ZNF14: variants seen among roughly 807,000 people sequenced by gnomAD.
ZNF14 encodes the protein gonadotropin inducible transcription repressor-4.
ZNF14 carries 9 observed loss-of-function variants against 11.3 expected under a neutral mutation model. The ratio of observed to expected loss-of-function variants is 0.80; its 90% CI spans 0.48 to 1.39. ZNF14 has a LOEUF of 1.39. Ranked by LOEUF, ZNF14 falls within the 40% of genes most tolerant of loss-of-function variation. ZNF14 has a pLI of 0.00. For missense variants in ZNF14, 711 were observed against 763.9 expected (o/e 0.93, Z 0.82); for synonymous variants, 239 against 245.7 (o/e 0.97, Z 0.25).
rs2062360567 is a variant in ZNF14 at position 19,711,663 on chromosome 19, A to G, written c.1618T>C (p.Phe540Leu). 6.2e-7 allele frequency: 1 copy of G among 1,614,010 alleles called. No individual in the cohort carries two copies. Among genetic ancestry groups the G allele is most frequent in the African/African-American group, 1.3e-5 (1 of 74,912 alleles). ...PFECKQCGKA[F>L]LRSSQIRLHE... ...AATCGAATTTGACTGGAACGAAGGA[A>G]GGCCTTACCACATTGCTTACACTCA... Residue 540 changes from phenylalanine (F) to leucine (L), a missense_variant, in exon 4 of 4, where the codon TTC (phenylalanine) becomes CTC (leucine). Transcript: ENST00000344099.
chr19:19,728,267 C>A (rs540088400), intron 1 of ZNF14, among the ~76,000 whole-genome samples: 1 of 132,424 alleles, frequency 7.6e-6, no homozygotes, highest in East Asian at 2.1e-4. Flanking sequence ...CCTGTAATCC[C>A]AGCACTTTGA....
chr19:19,712,206 C>T lies in ZNF14; in HGVS notation c.1075G>A (p.Gly359Arg), dbSNP rs2062363108. ...CGTTTACATTCATATGGTTTTTCTC[C>T]AATATGAGTTCTTTCATGCACTCGA... is the stretch of plus-strand genomic sequence containing the variant. ...SCRVHERTHIGEKPYECKRCG... is the reference protein window; with the variant it reads ...SCRVHERTHIREKPYECKRCG... Residue 359 changes from glycine (G) to arginine (R), a missense_variant, in exon 4 of 4, where the codon GGA becomes AGA. Gly to Arg is a moderately radical substitution (Grantham distance 125). Coordinates refer to ENST00000344099, the MANE Select transcript of ZNF14 (RefSeq NM_021030.3). 1 of 1,613,806 alleles carries T rather than the reference C, an allele frequency of 6.2e-7. No homozygotes were observed. Among genetic ancestry groups the T allele is most frequent in the Non-Finnish European group, 8.5e-7 (1 of 1,179,998 alleles).
At chr19:19,724,199 G>A (rs1164123469) in intron 1 of ZNF14, among the ~76,000 whole-genome samples, 3 of 132,282 alleles carry the variant, frequency 2.3e-5, no homozygotes, top group African/African-American at 8.3e-5. Context: ...GATCTTTCCT[G>A]CTTTCTCTTG....
intron 1 of ZNF14, among the ~76,000 whole-genome samples, chr19:19,732,371 T>G (rs2062426480): frequency 1.3e-5 from 2 of 152,010 alleles, no homozygotes; most frequent in Non-Finnish European, 2.9e-5. Flanking sequence ...AACACAAACT[T>G]TCTGATCAGT....
At chr19:19,721,489 G>A (rs1370425161) in intron 1 of ZNF14, among the ~76,000 whole-genome samples, 1 of 152,142 alleles carries the variant, frequency 6.6e-6, no homozygotes, top group African/African-American at 2.4e-5. Flanking sequence ...ACCTAGATTT[G>A]TTACACCTTT....
chr19:19,731,154 T>C (rs1176617012), intron 1 of ZNF14, among the ~76,000 whole-genome samples: 2 of 152,140 alleles, frequency 1.3e-5, no homozygotes, highest in Non-Finnish European at 2.9e-5. Context: ...AGAAAAACCA[T>C]TATTTATTGA....
intron 1 of ZNF14, among the ~76,000 whole-genome samples, chr19:19,731,053 G>A (rs1016543867): frequency 1.3e-5 from 2 of 152,186 alleles, no homozygotes; most frequent in African/African-American, 4.8e-5. Context: ...CGTATATTAA[G>A]CCTACTTGAA....
chr19:19,722,398 T>C (rs2062395436), intron 1 of ZNF14, among the ~76,000 whole-genome samples: 1 of 152,242 alleles, frequency 6.6e-6, no homozygotes, highest in Non-Finnish European at 1.5e-5. Flanking sequence ...TGTGGTATTA[T>C]TTCTGAGTGC....
At position 19,726,527 on chromosome 19, in the gene ZNF14, G is replaced by A. The variant is rs558539183; in HGVS notation, c.3+6429C>T. Among the ~76,000 whole-genome samples the A allele has an allele frequency of 4.2e-4, 57 of 134,310 alleles. 14 individuals carry two copies. Among genetic ancestry groups the A allele is most frequent in the Admixed American group, 1.3e-3 (18 of 13,706 alleles). 88.1% of individuals were successfully genotyped at this position (134,310 alleles called of 152,430 possible). On this transcript the variant is annotated intron_variant, in intron 1 of 3. Coordinates refer to ENST00000344099, the MANE Select transcript of ZNF14 (RefSeq NM_021030.3). ...AGGTGTCTCCCAGTTAGGCTACTCAGGGGTCAGGGACCCATTTGAGGAGGC... is the reference window on the plus strand; with the variant it reads ...AGGTGTCTCCCAGTTAGGCTACTCAAGGGTCAGGGACCCATTTGAGGAGGC...
intron 3 of ZNF14, 145 bp downstream of exon 3, chr19:19,713,946 C>A (rs2062370093): frequency 4.2e-6 from 3 of 721,946 alleles, no homozygotes; most frequent in Non-Finnish European, 6.8e-6. Flanking sequence ...TTTTTCACAT[C>A]CTGAACATCT....
chr19:19,733,068 T>C lies in ZNF14; in HGVS notation c.-110A>G, dbSNP rs2062428916. The stretch of plus-strand genomic sequence containing the variant: ...GCCACCTTCGGCCTTCAGGAGCAGG[T>C]GAAACGCAATCTTCCCATGGGCCAG... On this transcript the variant is annotated 5_prime_UTR_variant, in exon 1 of 4. Transcript: ENST00000344099. 5 of 1,403,294 alleles carry C rather than the reference T, an allele frequency of 3.6e-6. No individual in the cohort carries two copies. The highest frequency in any genetic ancestry group is 4.9e-6 in the Non-Finnish European group (5 of 1,021,026). 86.9% of individuals were successfully genotyped at this position (1,403,294 alleles called of 1,614,324 possible).
At chr19:19,713,200 CCT>C in intron 3 of ZNF14, 111 bp from the exon 4 acceptor site, 1 of 992,322 alleles carries the variant, frequency 1.0e-6, no homozygotes, top group Non-Finnish European at 1.5e-6. Flanking sequence ...GGATATCTGC[CCT>C]GTCTGAATTG....
At chr19:19,713,156 G>C in intron 3 of ZNF14, 67 bp from the exon 4 acceptor site, 1 of 1,415,248 alleles carries the variant, frequency 7.1e-7, no homozygotes, top group Non-Finnish European at 9.5e-7. Flanking sequence ...GTAGGTATGA[G>C]AATTACATTT....
Position 19,712,145 on chromosome 19 carries a change from C to A in ZNF14, c.1136G>T (p.Arg379Leu). Residue 379 changes from arginine (R) to leucine (L), a missense_variant, in exon 4 of 4, where the codon CGA becomes CTA. By Grantham distance (102) the Arg-to-Leu change is moderately radical. Transcript: ENST00000344099. Reference sequence around the variant, plus strand: ...TCCAGTATGAGTTCTTTCATGCAATCGAAGAGAAATGGACCAACTGAATGA... The same window carrying A: ...TCCAGTATGAGTTCTTTCATGCAATAGAAGAGAAATGGACCAACTGAATGA... Reference protein sequence around the residue: ...GKSFSWSISLRLHERTHTGEK... With the variant: ...GKSFSWSISLLLHERTHTGEK... 1 of 1,613,986 alleles carries A rather than the reference C, an allele frequency of 6.2e-7. No individual in the cohort carries two copies. The highest frequency in any genetic ancestry group is 8.5e-7 in the Non-Finnish European group (1 of 1,180,008).
In ZNF14 at chr19:19,711,324, C is replaced by A; in HGVS notation, c.*28G>T. On this transcript the variant is annotated 3_prime_UTR_variant, in exon 4 of 4. Coordinates refer to ENST00000344099, the MANE Select transcript of ZNF14 (RefSeq NM_021030.3). The stretch of plus-strand genomic sequence containing the variant: ...TGTATTCAGAAGGAGCTGGAACAAC[C>A]GAAGGCTTCAGAATGTTGCTTATAT... 6.6e-7 allele frequency: 1 copy of A among 1,525,846 alleles called. No individual in the cohort carries two copies. The highest frequency in any genetic ancestry group is 1.4e-5 in the South Asian group (1 of 73,860). The allele number at this position is 1,525,846 out of a possible 1,614,324, so 94.5% of individuals were successfully genotyped here.
At chr19:19,723,012 A>G (rs543159286) in intron 1 of ZNF14, among the ~76,000 whole-genome samples, 1 of 151,826 alleles carries the variant, frequency 6.6e-6, no homozygotes, top group Non-Finnish European at 1.5e-5. Flanking sequence ...TTCTAAACAT[A>G]AAATCTGCAA....
chr19:19,732,479 G>T (rs1322313873), intron 1 of ZNF14, among the ~76,000 whole-genome samples: 1 of 152,180 alleles, frequency 6.6e-6, no homozygotes, highest in Non-Finnish European at 1.5e-5. Flanking sequence ...CACTAGAGGG[G>T]GTCAGTCCCT....
intron 1 of ZNF14, among the ~76,000 whole-genome samples, chr19:19,721,006 G>A (rs55882648): frequency 0.2 from 29,932 of 152,200 alleles, 3,070 homozygotes; most frequent in Middle Eastern, 0.26. Context: ...CACTCAGGTT[G>A]GAGCGCAGTG....
chr19:19,714,390 T>C lies in ZNF14; in HGVS notation c.101A>G (p.Gln34Arg). Residue 34 changes from glutamine (Q) to arginine (R), a missense_variant, in exon 2 of 4, where the codon CAG becomes CGG. Transcript: ENST00000344099. ...ACAAACCAGGTTTTTGAAGGTCTCC[T>C]GCATCACATCTTCATAGAGCTTTTT... ...SQKKLYEDVMQETFKNLVCLG... is the reference protein window; with the variant it reads ...SQKKLYEDVMRETFKNLVCLG... 6.2e-7 allele frequency: 1 copy of C among 1,614,176 alleles called. No homozygotes were observed. Among genetic ancestry groups the C allele is most frequent in the South Asian group, 1.1e-5 (1 of 91,084 alleles).
Sources: allele counts gnomAD v4.1 joint callset (sites outside exome capture counted in the v4.1 genomes callset), GRCh38; gene constraint gnomAD v4.1.1; transcripts MANE v1.5; gene names NCBI Gene and HGNC (gene_info 2026-07-23, HGNC 2026-07-21).